LAPTM4B: variants seen among roughly 807,000 people sequenced by gnomAD.
LAPTM4B encodes the protein lysosomal-associated transmembrane protein 4B.
A neutral mutation model predicts 28.5 loss-of-function variants in LAPTM4B; 26 were observed. The ratio of observed to expected loss-of-function variants is 0.91; its 90% CI spans 0.67 to 1.27. The LOEUF (loss-of-function observed/expected upper bound fraction) is 1.27, where lower values mean the gene tolerates loss of function less well. LAPTM4B is among the 50% of genes most tolerant of loss of function. The pLI, the probability that LAPTM4B is intolerant of heterozygous loss-of-function variation, is 0.00. For missense variants in LAPTM4B, 288 were observed against 285.8 expected (o/e 1.01, Z -0.06); for synonymous variants, 109 against 106.4 (o/e 1.02, Z -0.15).
At chr8:97,782,649 G>C (rs1413591313) in intron 1 of LAPTM4B, among the ~76,000 whole-genome samples, 3 of 151,356 alleles carry the variant, frequency 2.0e-5, no homozygotes, top group Non-Finnish European at 4.4e-5. Flanking sequence ...TGTTGGTCAG[G>C]CTTGTCTCGA....
chr8:97,839,438 CT>C (rs1405574364), intron 6 of LAPTM4B, among the ~76,000 whole-genome samples: 3 of 152,192 alleles, frequency 2.0e-5, no homozygotes, highest in African/African-American at 4.8e-5. Context: ...GGTGATCCGC[CT>C]GCCTCGGCCT....
At chr8:97,776,227 G>A in intron 1 of LAPTM4B, 119 bp downstream of exon 1, 1 of 1,193,892 alleles carries the variant, frequency 8.4e-7, no homozygotes, top group Non-Finnish European at 1.1e-6. Flanking sequence ...TGTATTATTA[G>A]AAACTTAATT....
chr8:97,811,026 A>G (rs1437075291), intron 2 of LAPTM4B, among the ~76,000 whole-genome samples: 1 of 152,226 alleles, frequency 6.6e-6, no homozygotes, highest in Non-Finnish European at 1.5e-5. Context: ...CCACATTGCA[A>G]GTTATAGGGA....
intron 6 of LAPTM4B, among the ~76,000 whole-genome samples, chr8:97,833,123 C>T (rs1005896544): frequency 6.6e-6 from 1 of 151,404 alleles, no homozygotes; most frequent in African/African-American, 2.4e-5. Flanking sequence ...CACTTGAGGT[C>T]GGGAGTTTGA....
At chr8:97,804,762 A>C (rs909692410) in intron 1 of LAPTM4B, among the ~76,000 whole-genome samples, 1 of 152,220 alleles carries the variant, frequency 6.6e-6, no homozygotes, top group Non-Finnish European at 1.5e-5. Flanking sequence ...AGTTTAAAGT[A>C]GCCAAGGGCA....
At chr8:97,818,291 A>G (rs1297505056) in intron 4 of LAPTM4B, among the ~76,000 whole-genome samples, 2 of 152,196 alleles carry the variant, frequency 1.3e-5, no homozygotes, top group African/African-American at 4.8e-5. Flanking sequence ...CTTCCTCAAC[A>G]TTGGAAACAA....
intron 4 of LAPTM4B, among the ~76,000 whole-genome samples, chr8:97,817,865 C>T (rs1026842332): frequency 6.6e-6 from 1 of 152,058 alleles, no homozygotes; most frequent in African/African-American, 2.4e-5. Context: ...GCTGAGATTA[C>T]AGGCGTGAGC....
chr8:97,823,681 T>C (rs1355892077), intron 5 of LAPTM4B, among the ~76,000 whole-genome samples: 2 of 139,482 alleles, frequency 1.4e-5, no homozygotes, highest in Non-Finnish European at 3.0e-5. Flanking sequence ...AGTCCCATTA[T>C]TATTATTATT....
chr8:97,778,732 T>C (rs1481613541), intron 1 of LAPTM4B, among the ~76,000 whole-genome samples: 1 of 152,116 alleles, frequency 6.6e-6, no homozygotes, highest in Non-Finnish European at 1.5e-5. Flanking sequence ...TTGTTTTAAC[T>C]AGACTCTCCC....
At chr8:97,804,705 C>T (rs1474997381) in intron 1 of LAPTM4B, among the ~76,000 whole-genome samples, 1 of 152,058 alleles carries the variant, frequency 6.6e-6, no homozygotes. Flanking sequence ...ATAAGGAGGG[C>T]AGAAGTGGGA....
At position 97,816,060 on chromosome 8, in the gene LAPTM4B, A is replaced by C; in HGVS notation, c.288A>C (p.Gln96His). The change falls in exon 4 of 7, where the codon CAA (glutamine) becomes CAC (histidine). Residue 96 changes from glutamine (Q) to histidine (H), a missense_variant and splice_region_variant. Gln to His is a conservative substitution (Grantham distance 24). Coordinates refer to ENST00000521545, the MANE Select transcript of LAPTM4B (RefSeq NM_018407.6). ...CAMATYGAYKQRAAWIIPFFC... is the reference protein window; with the variant it reads ...CAMATYGAYKHRAAWIIPFFC... ...TTTCTATTTTCTGTTCTGTTTAGCA[A>C]CGCGCAGCCTGGATCATCCCATTCT... The C allele has an allele frequency of 3.1e-6, 5 of 1,607,378 alleles. No homozygotes were observed. Among genetic ancestry groups the C allele is most frequent in the Non-Finnish European group, 4.2e-6 (5 of 1,178,372 alleles).
At chr8:97,782,730 C>T (rs985335473) in intron 1 of LAPTM4B, among the ~76,000 whole-genome samples, 2 of 150,894 alleles carry the variant, frequency 1.3e-5, no homozygotes, top group African/African-American at 4.9e-5. Context: ...GCCACCGTCC[C>T]CAGCCTTTTT....
intron 2 of LAPTM4B, among the ~76,000 whole-genome samples, chr8:97,806,886 T>C (rs1872012): frequency 0.45 from 67,685 of 151,890 alleles, 15,553 homozygotes; most frequent in East Asian, 0.57. Flanking sequence ...GAACCCCAGG[T>C]GGCGGAGGTT....
At chr8:97,804,528 A>T (rs1816731521) in intron 1 of LAPTM4B, among the ~76,000 whole-genome samples, 2 of 152,132 alleles carry the variant, frequency 1.3e-5, no homozygotes, top group Non-Finnish European at 2.9e-5. Context: ...AGTGTTTTTT[A>T]ACCTCTGAGC....
chr8:97,800,492 T>C (rs1178174771), intron 1 of LAPTM4B, among the ~76,000 whole-genome samples: 1 of 135,954 alleles, frequency 7.4e-6, no homozygotes, highest in South Asian at 2.4e-4. Context: ...CTCTTTTTTT[T>C]TTTTTTTTTT....
At chr8:97,781,299 T>TTTTTTTTTA (rs1816308263) in intron 1 of LAPTM4B, among the ~76,000 whole-genome samples, 1 of 139,532 alleles carries the variant, frequency 7.2e-6, no homozygotes, top group Non-Finnish European at 1.5e-5. Flanking sequence ...TTTTTTTTTT[T>TTTTTTTTTA]GAGGAGTTTT....
chr8:97,802,746 C>G (rs1816703460), intron 1 of LAPTM4B, among the ~76,000 whole-genome samples: 1 of 151,292 alleles, frequency 6.6e-6, no homozygotes, highest in African/African-American at 2.4e-5. Flanking sequence ...ACTATATATT[C>G]TTTGTACAGT....
intron 1 of LAPTM4B, among the ~76,000 whole-genome samples, chr8:97,780,652 A>G (rs973863384): frequency 1.3e-5 from 2 of 152,034 alleles, no homozygotes; most frequent in Admixed American, 6.6e-5. Flanking sequence ...TCTTATTCCC[A>G]TTTTACAGAT....
chr8:97,789,760 A>G (rs1291170119), intron 1 of LAPTM4B, among the ~76,000 whole-genome samples: 2 of 151,744 alleles, frequency 1.3e-5, no homozygotes, highest in African/African-American at 4.8e-5. Context: ...ACCTCAGGTG[A>G]TCTGCCTGCC....
Sources: gnomAD v4.1 joint callset for allele counts (sites outside exome capture counted in the v4.1 genomes callset) on GRCh38, gnomAD v4.1.1 for gene constraint, MANE v1.5 for transcripts, NCBI Gene and HGNC (gene_info 2026-07-23, HGNC 2026-07-21) for gene names.